AXIN1: variants seen among roughly 807,000 people sequenced by gnomAD.
AXIN1 encodes axin 1, also known as axin-1.
In AXIN1, 30 loss-of-function variants were observed where a neutral mutation model predicts 76.4. The ratio of observed to expected loss-of-function variants is 0.39; its 90% CI spans 0.29 to 0.53. The LOEUF is 0.53. Among genes scored for constraint, AXIN1 ranks in the 20% least tolerant of loss-of-function variants. The pLI is 0.66. For synonymous variants in AXIN1, 545 were observed against 501.4 expected (o/e 1.09, Z -1.16); for missense variants, 1,140 against 1,198.8 (o/e 0.95, Z 0.72).
rs141481399 is a variant in AXIN1 at position 297,904 on chromosome 16, G to T, written c.1602C>A (p.His534Gln). ...TGCTGTGGTGGACGTGGTGGTGGAC[G>T]TGTCGGTGGTGGTGCAGGCCGGCCG... is the stretch of plus-strand genomic sequence containing the variant. ...LDAAGLHHHR[H>Q]VHHHVHHSTA... The change falls in exon 6 of 11, where the codon CAC becomes CAA. Residue 534 changes from histidine (H) to glutamine (Q), a missense_variant. This residue lies in a region of AXIN1 where 708 missense variants were observed against 776.9 expected (regional missense o/e 0.91). Transcript: ENST00000262320. 3.1e-6 allele frequency: 5 copies of T among 1,594,700 alleles called. No homozygotes were observed. The highest frequency in any genetic ancestry group is 1.7e-4 in the Middle Eastern group (1 of 5,998).
rs1375728362 is a variant in AXIN1, at chr16:289,481, C to A, written c.2421G>T (p.Leu807=). Residue 807 remains leucine (L), a synonymous_variant, in exon 10 of 11, where the codon CTG becomes CTT. Transcript: ENST00000262320. The part of the protein sequence containing the change: ...RTLVRGRAVT[L]GQFKELLTKK... ...TGGTCAGCAGCTCCTTGAACTGGCC[C>A]AGGGTGACAGCGCGGCCCCTCACCA... The A allele has an allele frequency of 1.9e-6, 3 of 1,612,964 alleles. No homozygotes were observed. The Admixed American group carries it at 5.0e-5, about 27-fold the overall frequency.
chr16:306,500 G>A (rs1425187992), intron 4 of AXIN1, among the ~76,000 whole-genome samples: 4 of 152,212 alleles, frequency 2.6e-5, no homozygotes, highest in Admixed American at 6.5e-5. Context: ...CTGCCCTCCC[G>A]CCGTGGGCTC....
intron 2 of AXIN1, among the ~76,000 whole-genome samples, chr16:338,586 G>A (rs1244440344): frequency 6.6e-6 from 1 of 152,208 alleles, no homozygotes; most frequent in East Asian, 1.9e-4. Context: ...CTAAGGAAGA[G>A]AAAAAATATG....
At position 313,592 on chromosome 16, in the gene AXIN1, T is replaced by C. The variant is rs372330439; in HGVS notation, c.1019+951A>G. On this transcript the variant is annotated intron_variant, in intron 3 of 10. Coordinates refer to ENST00000262320, the MANE Select transcript of AXIN1 (RefSeq NM_003502.4). The stretch of plus-strand genomic sequence containing the variant: ...GCTGCTGCAGGGAGACCCTGGTTCC[T>C]GCGGCTCGGCCCCAGCCCTGGCTAG... 7.9e-5 allele frequency among the ~76,000 whole-genome samples: 12 copies of C among 152,308 alleles called. No individual in the cohort carries two copies. The East Asian group carries it at 2.3e-3, about 30-fold the overall frequency.
chr16:320,743 A>ATTTTTTTTTTTTTT (rs71299927), intron 2 of AXIN1, among the ~76,000 whole-genome samples: 2 of 107,628 alleles, frequency 1.9e-5, no homozygotes, highest in African/African-American at 4.6e-5. Context: ...ATATATATAT[A>ATTTTTTTTTTTTTT]TTTTTTTTTT....
At chr16:310,619 G>A (rs992084857) in intron 3 of AXIN1, among the ~76,000 whole-genome samples, 1 of 152,170 alleles carries the variant, frequency 6.6e-6, no homozygotes, top group African/African-American at 2.4e-5. Context: ...GGAGAGTCTC[G>A]ATCTCCTGAC....
intron 2 of AXIN1, among the ~76,000 whole-genome samples, chr16:329,062 G>A (rs868631686): frequency 2.0e-5 from 3 of 152,070 alleles, no homozygotes; most frequent in Non-Finnish European, 2.9e-5. Context: ...GGAGGATCAC[G>A]ACGTCAGGAG....
chr16:299,519 A>AT (rs1291746398), intron 5 of AXIN1, among the ~76,000 whole-genome samples: 1 of 150,716 alleles, frequency 6.6e-6, no homozygotes, highest in African/African-American at 2.4e-5. Flanking sequence ...TGCCTGCCTA[A>AT]TTTTTTTGTA....
chr16:343,690 G>A (rs910926790), intron 2 of AXIN1, among the ~76,000 whole-genome samples: 1 of 150,412 alleles, frequency 6.6e-6, no homozygotes, highest in Non-Finnish European at 1.5e-5. Flanking sequence ...GCGACAGAGC[G>A]AGACTCCATC....
At chr16:333,435 G>GAA (rs756612335) in intron 2 of AXIN1, among the ~76,000 whole-genome samples, 5 of 101,548 alleles carry the variant, frequency 4.9e-5, no homozygotes, top group African/African-American at 6.9e-5. Context: ...ACTCGCCTCA[G>GAA]AAAAAAAAAA....
intron 5 of AXIN1, among the ~76,000 whole-genome samples, chr16:298,879 C>T (rs1163061811): frequency 6.6e-6 from 1 of 152,178 alleles, no homozygotes; most frequent in African/African-American, 2.4e-5. Flanking sequence ...AGTGATTCTC[C>T]TCCTTCAGCC....
At chr16:323,165 C>T (rs149560154) in intron 2 of AXIN1, among the ~76,000 whole-genome samples, 162 of 152,184 alleles carry the variant, frequency 1.1e-3, no homozygotes, top group African/African-American at 3.8e-3. Flanking sequence ...AGAGGCCGGG[C>T]GCGGTGGCTC....
intron 2 of AXIN1, among the ~76,000 whole-genome samples, chr16:340,914 G>C (rs1055466424): frequency 2.6e-5 from 4 of 152,250 alleles, no homozygotes; most frequent in African/African-American, 7.2e-5. Context: ...CCGCACTCAG[G>C]CGTCCCACAG....
intron 2 of AXIN1, among the ~76,000 whole-genome samples, chr16:333,286 C>T (rs1356675242): frequency 2.0e-5 from 3 of 151,394 alleles, no homozygotes; most frequent in Admixed American, 6.6e-5. Context: ...GAGCCGAGAT[C>T]GCACCACTGC....
intron 6 of AXIN1, 78 bp from the exon 7 acceptor site, chr16:297,304 T>A (rs2141505354): frequency 6.4e-7 from 1 of 1,574,678 alleles, no homozygotes; most frequent in Non-Finnish European, 8.6e-7. Flanking sequence ...CGAGGCCCCC[T>A]CCTGGCATCT....
chr16:293,869 C>T lies in AXIN1; in HGVS notation c.1956-151G>A. The T allele has an allele frequency of 1.3e-6, 1 of 756,696 alleles. No homozygotes were observed. The highest frequency in any genetic ancestry group is 2.3e-6 in the Non-Finnish European group (1 of 432,602). 46.9% of individuals were successfully genotyped at this position (756,696 alleles called of 1,614,324 possible). On this transcript the variant is annotated intron_variant, in intron 7 of 10. Transcript: ENST00000262320. This position sits in a 1 kb window ranked among gnomAD's most constrained non-coding sequence, Gnocchi z 4.6. The stretch of plus-strand genomic sequence containing the variant: ...GGCCACCAAGCCACATGGACGTCCT[C>T]CACAGACCACACAATAAAAACATCC...
chr16:305,618 A>T lies in AXIN1; in HGVS notation c.1117-1177T>A, dbSNP rs546999814. Among the ~76,000 whole-genome samples the T allele has an allele frequency of 6.6e-5, 10 of 152,120 alleles. No individual in the cohort carries two copies. In the East Asian group the frequency reaches 1.9e-3, roughly 29 times the overall value. Reference sequence around the variant, plus strand: ...GAGTGTAGTGGCGCGATTTCGGCTCACTGCAAGCTCCGCCTCCCGGGTTCA... The same window carrying T: ...GAGTGTAGTGGCGCGATTTCGGCTCTCTGCAAGCTCCGCCTCCCGGGTTCA... On this transcript the variant is annotated intron_variant, in intron 4 of 10. Coordinates refer to ENST00000262320, the MANE Select transcript of AXIN1 (RefSeq NM_003502.4).
chr16:308,962 A>C (rs745398274), intron 4 of AXIN1, among the ~76,000 whole-genome samples: 2 of 152,190 alleles, frequency 1.3e-5, no homozygotes, highest in African/African-American at 2.4e-5. Flanking sequence ...CCTGACCAAG[A>C]CTGTGTCAGT....
In AXIN1 at chr16:289,743, G is replaced by GCCCGAGGCCCCGCTGCC. The variant is rs550936034; in HGVS notation, c.2295-137_2295-136insGGCAGCGGGGCCTCGGG. The GCCCGAGGCCCCGCTGCC allele has an allele frequency of 6.6e-3, 7,194 of 1,083,416 alleles. 92 individuals are homozygous for GCCCGAGGCCCCGCTGCC. The highest frequency in any genetic ancestry group is 0.035 in the East Asian group (1,355 of 38,806). 67.1% of individuals were successfully genotyped at this position (1,083,416 alleles called of 1,614,324 possible). On this transcript the variant is annotated intron_variant, in intron 9 of 10. Coordinates refer to ENST00000262320, the MANE Select transcript of AXIN1 (RefSeq NM_003502.4). Reference sequence around the variant, plus strand: ...GCAGCACCCCATTCAAACACCTGGGGCCCGCAGCCCCCGCACAGCATCTCA... The same window carrying GCCCGAGGCCCCGCTGCC: ...GCAGCACCCCATTCAAACACCTGGGGCCCGAGGCCCCGCTGCCCCCGCAGCCCCCGCACAGCATCTCA...
Sources: allele counts gnomAD v4.1 joint callset (sites outside exome capture counted in the v4.1 genomes callset), GRCh38; gene constraint gnomAD v4.1.1; regional missense constraint gnomAD v4.1.1; non-coding constraint Gnocchi (gnomAD v3.1); transcripts MANE v1.5; gene names NCBI Gene and HGNC (gene_info 2026-07-23, HGNC 2026-07-21).